Variants in RNF180 observed in about 807,000 individuals in gnomAD.
The protein encoded by RNF180 is ring finger protein 180, also known as E3 ubiquitin-protein ligase RNF180.
In RNF180, 38 loss-of-function variants were observed where a neutral mutation model predicts 59.2. The observed-to-expected ratio is 0.64, with a 90% CI of 0.50 to 0.84. The LOEUF (loss-of-function observed/expected upper bound fraction) is 0.84, where lower values mean the gene tolerates loss of function less well. RNF180 is among the 40% of genes least tolerant of loss of function. The pLI, the probability that RNF180 is intolerant of heterozygous loss-of-function variation, is 0.00. For missense variants in RNF180, 705 were observed against 700.9 expected, an observed-to-expected ratio of 1.01 and a Z score of -0.07; for synonymous variants, 262 against 240.3, an observed-to-expected ratio of 1.09 and a Z score of -0.84.
chr5:64,252,911 C>T (rs1322107973), intron 5 of RNF180, among the ~76,000 whole-genome samples: 2 of 152,084 alleles, frequency 1.3e-5, no homozygotes, highest in South Asian at 2.1e-4. Flanking sequence ...ACCACCATCA[C>T]CATCACCACC....
chr5:64,227,403 C>T (rs1741833885), intron 5 of RNF180, among the ~76,000 whole-genome samples: 2 of 152,182 alleles, frequency 1.3e-5, no homozygotes, highest in Non-Finnish European at 2.9e-5. Context: ...AAGGCTGCTG[C>T]CCAGCCACAC....
chr5:64,337,392 G>T (rs1417769323), intron 7 of RNF180, among the ~76,000 whole-genome samples: 1 of 151,900 alleles, frequency 6.6e-6, no homozygotes, highest in Non-Finnish European at 1.5e-5. Context: ...TTTGTTAAAG[G>T]TTCAACATCT....
At chr5:64,369,557 T>G in intron 7 of RNF180, 58 bp from the exon 8 acceptor site, 2 of 1,105,382 alleles carry the variant, frequency 1.8e-6, no homozygotes, top group Middle Eastern at 2.2e-4. Context: ...GTGTACAGCT[T>G]CTTTTCTGAG....
At chr5:64,312,999 T>C (rs1158039025) in intron 5 of RNF180, among the ~76,000 whole-genome samples, 1 of 152,166 alleles carries the variant, frequency 6.6e-6, no homozygotes, top group Non-Finnish European at 1.5e-5. Flanking sequence ...TCTAAAATGC[T>C]TGAGATCAGA....
chr5:64,192,901 A>ATGTG lies in RNF180; in HGVS notation c.1-7904_1-7903insGTGT, dbSNP rs1417440310. ...AATGAATGCATGCAGAAAGTGTGGC[A>ATGTG]TGTATATATATATATATATATATAT... On this transcript the variant is annotated intron_variant, in intron 1 of 7. Coordinates refer to ENST00000389100, the MANE Select transcript of RNF180 (RefSeq NM_001113561.2). 6.7e-4 allele frequency among the ~76,000 whole-genome samples: 48 copies of ATGTG among 71,178 alleles called. 1 individual carries two copies. Among genetic ancestry groups the ATGTG allele is most frequent in the African/African-American group, 2.5e-3 (44 of 17,328 alleles). The allele number at this position is 71,178 out of a possible 152,430, so 46.7% of individuals were successfully genotyped here.
intron 7 of RNF180, among the ~76,000 whole-genome samples, chr5:64,346,415 G>A (rs1370507577): frequency 1.5e-5 from 2 of 131,278 alleles, no homozygotes; most frequent in African/African-American, 6.0e-5. Context: ...TGTCACCCAG[G>A]CTGTAGTGCA....
chr5:64,321,211 A>C (rs1298744163), intron 5 of RNF180, among the ~76,000 whole-genome samples: 1 of 152,134 alleles, frequency 6.6e-6, no homozygotes, highest in Non-Finnish European at 1.5e-5. Flanking sequence ...GGGTATGCAG[A>C]TAGGAAGAGA....
rs551866396 is a variant in RNF180, at chr5:64,327,208, A to G, written c.1453+1797A>G. Among the ~76,000 whole-genome samples, 9 of 151,946 alleles carry G rather than the reference A, an allele frequency of 5.9e-5. No individual in the cohort carries two copies. The East Asian group carries it at 1.5e-3, about 26-fold the overall frequency. On this transcript the variant is annotated intron_variant, in intron 6 of 7. Transcript: ENST00000389100. Reference sequence around the variant, plus strand: ...TCTTAGTCTAGCTAATAGTTTGTCAATTTGGTTTATCTTTCCAAAAAACCA... The same window carrying G: ...TCTTAGTCTAGCTAATAGTTTGTCAGTTTGGTTTATCTTTCCAAAAAACCA...
chr5:64,278,396 C>T (rs1356534422), intron 5 of RNF180, among the ~76,000 whole-genome samples: 1 of 152,118 alleles, frequency 6.6e-6, no homozygotes, highest in Non-Finnish European at 1.5e-5. Flanking sequence ...CTTCCAGATT[C>T]TATTTTAAAA....
At position 64,188,768 on chromosome 5, in the gene RNF180, C is replaced by T. The variant is rs1018096611; in HGVS notation, c.1-12040C>T. 4.6e-5 allele frequency among the ~76,000 whole-genome samples: 7 copies of T among 152,018 alleles called. No individual in the cohort carries two copies. In the South Asian group the frequency reaches 1.0e-3, roughly 22 times the overall value. ...TGCAGGAAGTATAACAGAAAAGACA[C>T]GTAATAAACATGAGCATTCTAATAA... On this transcript the variant is annotated intron_variant, in intron 1 of 7. Coordinates refer to ENST00000389100, the MANE Select transcript of RNF180 (RefSeq NM_001113561.2).
chr5:64,273,467 A>T (rs968187284), intron 5 of RNF180, among the ~76,000 whole-genome samples: 7 of 152,068 alleles, frequency 4.6e-5, no homozygotes, highest in Non-Finnish European at 7.4e-5. Flanking sequence ...AGCATTAAGG[A>T]ACTCCAACTT....
At chr5:64,208,476 A>G (rs1216824806) in intron 2 of RNF180, among the ~76,000 whole-genome samples, 2 of 152,086 alleles carry the variant, frequency 1.3e-5, no homozygotes, top group African/African-American at 2.4e-5. Flanking sequence ...TATGTCCATC[A>G]AAACTTGTTT....
intron 1 of RNF180, among the ~76,000 whole-genome samples, chr5:64,190,324 A>G (rs562462366): frequency 2.6e-5 from 4 of 152,208 alleles, no homozygotes; most frequent in African/African-American, 4.8e-5. Flanking sequence ...AACCCTATGC[A>G]TGTGCCACCA....
Position 64,220,226 on chromosome 5 carries a change from G to GT in RNF180, c.1227+2833dup, listed in dbSNP as rs1179032136. The stretch of plus-strand genomic sequence containing the variant: ...AATTGTTTTACTGTTTTCAAAATTT[G>GT]TTTATATGTAAATATGTATATATTT... On this transcript the variant is annotated intron_variant, in intron 5 of 7. Transcript: ENST00000389100. Among the ~76,000 whole-genome samples the GT allele has an allele frequency of 4.0e-5, 6 of 151,602 alleles. No homozygotes were observed. The East Asian group carries it at 9.7e-4, about 24-fold the overall frequency.
intron 1 of RNF180, among the ~76,000 whole-genome samples, chr5:64,200,232 A>T (rs1285548489): frequency 6.6e-6 from 1 of 152,108 alleles, no homozygotes; most frequent in Non-Finnish European, 1.5e-5. Flanking sequence ...CAGGAATTTG[A>T]TACTAGCCTG....
intron 5 of RNF180, among the ~76,000 whole-genome samples, chr5:64,302,259 G>A (rs1394474752): frequency 6.6e-6 from 1 of 151,594 alleles, no homozygotes; most frequent in Non-Finnish European, 1.5e-5. Context: ...AAAGTCGCTG[G>A]TCAATAGCAA....
chr5:64,298,182 C>T (rs1034760772), intron 5 of RNF180, among the ~76,000 whole-genome samples: 1 of 152,060 alleles, frequency 6.6e-6, no homozygotes, highest in African/African-American at 2.4e-5. Flanking sequence ...GATGTCCCTG[C>T]AAAGGACATG....
intron 5 of RNF180, among the ~76,000 whole-genome samples, chr5:64,250,453 A>G (rs1743494904): frequency 6.6e-6 from 1 of 152,180 alleles, no homozygotes; most frequent in Non-Finnish European, 1.5e-5. Flanking sequence ...TAGGAAAATA[A>G]TAGAAAAGAT....
chr5:64,194,098 C>A (rs955217358), intron 1 of RNF180, among the ~76,000 whole-genome samples: 1 of 152,056 alleles, frequency 6.6e-6, no homozygotes, highest in African/African-American at 2.4e-5. Context: ...TGGTGTGCTG[C>A]ACCCATTAAC....
Sources: allele counts gnomAD v4.1 joint callset (sites outside exome capture counted in the v4.1 genomes callset), GRCh38; gene constraint gnomAD v4.1.1; transcripts MANE v1.5; gene names NCBI Gene and HGNC (gene_info 2026-07-23, HGNC 2026-07-21).